Variants in DNAH3 observed in about 807,000 individuals in gnomAD.
DNAH3 encodes dynein axonemal heavy chain 3.
DNAH3 carries 332 observed loss-of-function variants against 432.5 expected under a neutral mutation model. The ratio of observed to expected loss-of-function variants is 0.77; its 90% CI spans 0.70 to 0.84. The LOEUF (loss-of-function observed/expected upper bound fraction) is 0.84, where lower values mean the gene tolerates loss of function less well. Among genes scored for constraint, DNAH3 ranks in the 40% least tolerant of loss-of-function variants. The pLI is 0.00. For missense variants in DNAH3, 4,861 were observed against 5,114.0 expected (o/e 0.95, Z 1.51); for synonymous variants, 1,956 against 1,900.2 (o/e 1.03, Z -0.76).
intron 11 of DNAH3, among the ~76,000 whole-genome samples, chr16:21,118,090 C>T (rs1008822237): frequency 1.3e-4 from 19 of 151,366 alleles, no homozygotes; most frequent in Non-Finnish European, 2.4e-4. Flanking sequence ...TGGGCTCAAG[C>T]GATTCTCCTG....
chr16:21,048,768 A>G (rs562930183), intron 31 of DNAH3, among the ~76,000 whole-genome samples: 169 of 149,916 alleles, frequency 1.1e-3, no homozygotes, highest in Admixed American at 2.7e-3. Flanking sequence ...ATCTTGGCTC[A>G]TTGCAACCTC....
chr16:20,974,469 T>C (rs540748254), intron 51 of DNAH3, among the ~76,000 whole-genome samples: 2 of 151,552 alleles, frequency 1.3e-5, no homozygotes, highest in African/African-American at 4.8e-5. Flanking sequence ...AGTGGCACGA[T>C]CCTAGTTCAC....
intron 46 of DNAH3, 41 bp downstream of exon 46, chr16:20,987,652 A>G (rs1487056968): frequency 6.2e-7 from 1 of 1,606,722 alleles, no homozygotes; most frequent in African/African-American, 1.3e-5. Flanking sequence ...GTAGCCAAGG[A>G]TATGCTGAAT....
At chr16:20,973,107 TTC>T in intron 51 of DNAH3, among the ~76,000 whole-genome samples, 1 of 152,224 alleles carries the variant, frequency 6.6e-6, no homozygotes, top group African/African-American at 2.4e-5. Flanking sequence ...TGAGAGAATT[TTC>T]TGTTAAGTGG....
intron 11 of DNAH3, among the ~76,000 whole-genome samples, chr16:21,119,658 G>A (rs550456542): frequency 3.3e-4 from 50 of 151,190 alleles, no homozygotes; most frequent in Non-Finnish European, 6.2e-4. Context: ...GTGCAATGGC[G>A]CAATCTAGGC....
chr16:21,006,815 G>A (rs941352856), intron 41 of DNAH3, among the ~76,000 whole-genome samples: 5 of 152,098 alleles, frequency 3.3e-5, no homozygotes, highest in African/African-American at 1.2e-4. Flanking sequence ...CTCTCAAGTA[G>A]CTGGGACAAC....
intron 53 of DNAH3, among the ~76,000 whole-genome samples, chr16:20,961,258 G>A (rs1179309100): frequency 5.3e-5 from 8 of 152,146 alleles, no homozygotes; most frequent in Non-Finnish European, 1.2e-4. Flanking sequence ...TGGAGATAGG[G>A]TCTTTGCGGA....
chr16:20,971,658 G>A (rs999471444), intron 51 of DNAH3, among the ~76,000 whole-genome samples: 4 of 152,140 alleles, frequency 2.6e-5, no homozygotes, highest in African/African-American at 9.7e-5. Context: ...GTAGTGGGGC[G>A]TCCTGGGTCA....
At chr16:21,098,766 G>A (rs764704031) in exon 17 of DNAH3, 3 of 1,607,068 alleles carry the variant, frequency 1.9e-6, no homozygotes, top group South Asian at 2.2e-5. Flanking sequence ...CAAATTCTGA[G>A]CATCTGAAAA....
intron 18 of DNAH3, among the ~76,000 whole-genome samples, chr16:21,090,748 G>T (rs12051236): frequency 2.6e-5 from 4 of 152,172 alleles, no homozygotes; most frequent in Non-Finnish European, 5.9e-5. Context: ...TGAGGCAAAG[G>T]GATGGGGAAG....
At chr16:21,134,142 T>C (rs1489487797) in intron 7 of DNAH3, 117 bp downstream of exon 8, 2 of 1,058,726 alleles carry the variant, frequency 1.9e-6, no homozygotes, top group Non-Finnish European at 2.7e-6. Flanking sequence ...TAGATTTTTT[T>C]TTCTTTCATT....
At chr16:20,975,913 T>C (rs1292909273) in intron 50 of DNAH3, among the ~76,000 whole-genome samples, 3 of 151,834 alleles carry the variant, frequency 2.0e-5, no homozygotes, top group Non-Finnish European at 4.4e-5. Context: ...CCTGGCTAAT[T>C]TTTATATTTT....
chr16:20,953,275 C>T (rs1293256548), intron 55 of DNAH3, among the ~76,000 whole-genome samples: 1 of 151,814 alleles, frequency 6.6e-6, no homozygotes, highest in Non-Finnish European at 1.5e-5. Flanking sequence ...TCTCCTGTCT[C>T]AGCCTCCTGA....
intron 51 of DNAH3, among the ~76,000 whole-genome samples, chr16:20,971,929 C>T (rs1053299771): frequency 9.2e-5 from 14 of 152,196 alleles, no homozygotes; most frequent in Non-Finnish European, 1.6e-4. Flanking sequence ...TTAGTACCCC[C>T]ATTTTGTAGA....
At chr16:21,038,261 G>T (rs1238615683) in intron 33 of DNAH3, among the ~76,000 whole-genome samples, 2 of 152,200 alleles carry the variant, frequency 1.3e-5, no homozygotes, top group Non-Finnish European at 2.9e-5. Context: ...AGCACTTTGG[G>T]AGGCTGAGGC....
chr16:21,114,753 G>C (rs992917742), intron 12 of DNAH3, among the ~76,000 whole-genome samples: 3 of 152,226 alleles, frequency 2.0e-5, no homozygotes, highest in African/African-American at 4.8e-5. Flanking sequence ...AGGTGCTGGA[G>C]AGGATGTGGA....
intron 21 of DNAH3, among the ~76,000 whole-genome samples, chr16:21,073,171 C>A (rs1221210966): frequency 1.3e-5 from 2 of 152,080 alleles, no homozygotes. Flanking sequence ...TAAATTTGGG[C>A]CTAGCATGTA....
intron 41 of DNAH3, among the ~76,000 whole-genome samples, chr16:21,018,789 G>C (rs779897394): frequency 6.6e-6 from 1 of 151,948 alleles, no homozygotes; most frequent in South Asian, 2.1e-4. Context: ...CAACTACTTG[G>C]GAGGCTGAGA....
intron 43 of DNAH3, among the ~76,000 whole-genome samples, chr16:20,999,604 C>G (rs139702738): frequency 3.3e-4 from 51 of 152,288 alleles, no homozygotes; most frequent in Non-Finnish European, 6.3e-4. Flanking sequence ...TGGGTCACAG[C>G]TCCAGAATGT....
Sources: allele counts gnomAD v4.1 joint callset (sites outside exome capture counted in the v4.1 genomes callset), GRCh38; gene constraint gnomAD v4.1.1; transcripts MANE v1.5; gene names NCBI Gene and HGNC (gene_info 2026-07-23, HGNC 2026-07-21).